The following SMARCB1 variants were observed in gnomAD, a reference collection of about 807,000 sequenced individuals.
The protein encoded by SMARCB1 is SWI/SNF-related matrix-associated actin-dependent regulator of chromatin subfamily B member 1.
A neutral mutation model predicts 49.0 loss-of-function variants in SMARCB1; 5 were observed. The ratio of observed to expected loss-of-function variants is 0.10; its 90% confidence interval spans 0.05 to 0.21. SMARCB1 has a LOEUF of 0.21. Ranked by LOEUF, SMARCB1 falls within the 10% of genes least tolerant of loss-of-function variation. The probability of loss-of-function intolerance (pLI) is 1.00; values close to 1 mark genes in which losing one functional copy is unlikely to be tolerated. For missense variants in SMARCB1, 226 were observed against 509.2 expected (o/e 0.44, Z 5.35); for synonymous variants, 201 against 200.1 (o/e 1.00, Z -0.04).
intron 6 of SMARCB1, 88 bp from the exon 7 acceptor site, chr22:23,825,133 CAGGG>C: frequency 9.7e-7 from 1 of 1,026,964 alleles, no homozygotes; most frequent in Non-Finnish European, 1.5e-6. Flanking sequence ...CCCTGGTGGG[CAGGG>C]CCCACCCCAG....
intron 1 of SMARCB1, among the ~76,000 whole-genome samples, chr22:23,787,714 G>T (rs1424659793): frequency 6.6e-6 from 1 of 152,168 alleles, no homozygotes; most frequent in Non-Finnish European, 1.5e-5. Flanking sequence ...CTTAGTGAGG[G>T]CTCATCCCCA....
chr22:23,799,367 C>T (rs1355499845), intron 3 of SMARCB1, among the ~76,000 whole-genome samples: 4 of 151,946 alleles, frequency 2.6e-5, no homozygotes, highest in African/African-American at 9.7e-5. Flanking sequence ...CAACCTCCGC[C>T]TCCTGGGTTC....
chr22:23,810,829 A>G (rs929739280), intron 5 of SMARCB1, among the ~76,000 whole-genome samples: 2 of 152,130 alleles, frequency 1.3e-5, no homozygotes, highest in Non-Finnish European at 2.9e-5. Flanking sequence ...CAGGAGTTCA[A>G]GACCAGCCTG....
In SMARCB1 at chr22:23,787,034, C is replaced by T. The variant is rs975147415; in HGVS notation, c.-136C>T. On this transcript the variant is annotated 5_prime_UTR_variant, in exon 1 of 9. Transcript: ENST00000644036. Reference sequence around the variant, plus strand: ...CGGCGGCGGCGGCTGAGGAGCCCGGCTGAGGCGCCAGTACCCGGCCCGGTC... The same window carrying T: ...CGGCGGCGGCGGCTGAGGAGCCCGGTTGAGGCGCCAGTACCCGGCCCGGTC... 14 of 572,246 alleles carry T rather than the reference C, an allele frequency of 2.4e-5. No homozygotes were observed. In the African/African-American group the frequency reaches 2.6e-4, roughly 10 times the overall value. 35.4% of individuals were successfully genotyped at this position (572,246 alleles called of 1,614,324 possible).
intron 1 of SMARCB1, among the ~76,000 whole-genome samples, chr22:23,789,022 A>G (rs1000356733): frequency 2.6e-5 from 4 of 151,854 alleles, no homozygotes; most frequent in African/African-American, 9.7e-5. Flanking sequence ...GCTAATTTTT[A>G]TATTTTTAGT....
In SMARCB1 at chr22:23,837,451, A is replaced by G. The variant is rs1428038906; in HGVS notation, c.*3271A>G. 14 of 655,488 alleles carry G rather than the reference A, an allele frequency of 2.1e-5. No homozygotes were observed. The East Asian group carries it at 3.0e-4, about 14-fold the overall frequency. 40.6% of individuals were successfully genotyped at this position (655,488 alleles called of 1,614,324 possible). On this transcript the variant is annotated 3_prime_UTR_variant, in exon 9 of 9. Transcript: ENST00000644036. The stretch of plus-strand genomic sequence containing the variant: ...CTCCCATCAGGACCGTGCAAGCATC[A>G]GTAGATCCGTCCTGACGATGCAAAT...
chr22:23,834,632 C>G lies in SMARCB1; in HGVS notation c.*452C>G. 1 of 823,090 alleles carries G rather than the reference C, an allele frequency of 1.2e-6. No individual in the cohort carries two copies. The highest frequency in any genetic ancestry group is 1.9e-6 in the Non-Finnish European group (1 of 516,438). 51.0% of individuals were successfully genotyped at this position (823,090 alleles called of 1,614,324 possible). On this transcript the variant is annotated 3_prime_UTR_variant, in exon 9 of 9. Transcript: ENST00000644036. Reference sequence around the variant, plus strand: ...GAACAAGGTTGGCACACAGGCCTCACCCTCCTCTGCCTCAGATTCCCAAGT... The same window carrying G: ...GAACAAGGTTGGCACACAGGCCTCAGCCTCCTCTGCCTCAGATTCCCAAGT...
In SMARCB1 at chr22:23,834,164, C is replaced by T. The variant is rs1387467529; in HGVS notation, c.1142C>T (p.Thr381Met). The T allele has an allele frequency of 8.2e-6, 13 of 1,593,400 alleles. No individual in the cohort carries two copies. Among genetic ancestry groups the T allele is most frequent in the Admixed American group, 1.7e-5 (1 of 58,042 alleles). Reference sequence around the variant, plus strand: ...AGGCGGATGAGGCGTCTTGCCAACACGGCCCCGGCCTGGTAACCAGCCCAT... The same window carrying T: ...AGGCGGATGAGGCGTCTTGCCAACATGGCCCCGGCCTGGTAACCAGCCCAT... ...NTRRMRRLAN[T>M]APAW Residue 381 changes from threonine (T) to methionine (M), a missense_variant, in exon 9 of 9, where the codon ACG becomes ATG. Transcript: ENST00000644036.
chr22:23,788,530 C>T (rs895937820), intron 1 of SMARCB1, among the ~76,000 whole-genome samples: 2 of 152,006 alleles, frequency 1.3e-5, no homozygotes, highest in African/African-American at 4.8e-5. Flanking sequence ...CTCAGCCTCC[C>T]AAGTACCTGG....
At chr22:23,818,368 G>T (rs1289259309) in intron 6 of SMARCB1, 4 of 145,404 alleles carry the variant, frequency 2.8e-5, no homozygotes, top group African/African-American at 1.0e-4. Context: ...CGTTAGCCAG[G>T]ATGGTCTCGA....
intron 5 of SMARCB1, among the ~76,000 whole-genome samples, chr22:23,808,848 G>A (rs1929683731): frequency 6.6e-6 from 1 of 151,820 alleles, no homozygotes; most frequent in Admixed American, 6.6e-5. Flanking sequence ...ACAGGCATGT[G>A]CCACCATACC....
At chr22:23,807,524 G>A (rs1385762548) in intron 5 of SMARCB1, among the ~76,000 whole-genome samples, 2 of 151,958 alleles carry the variant, frequency 1.3e-5, no homozygotes, top group South Asian at 4.2e-4. Flanking sequence ...TCAGTGAGCC[G>A]TGATTGAGCC....
chr22:23,794,056 T>C (rs756445463), intron 3 of SMARCB1, among the ~76,000 whole-genome samples: 1 of 152,230 alleles, frequency 6.6e-6, no homozygotes, highest in Non-Finnish European at 1.5e-5. Flanking sequence ...GTGATTCTCC[T>C]GCCTCAGCCT....
At position 23,836,253 on chromosome 22, in the gene SMARCB1, C is replaced by A. The variant is rs879218692; in HGVS notation, c.*2073C>A. 9.1e-6 allele frequency: 9 copies of A among 985,372 alleles called. No homozygotes were observed. The Admixed American group carries it at 5.5e-4, about 61-fold the overall frequency. 61.0% of individuals were successfully genotyped at this position (985,372 alleles called of 1,614,324 possible). On this transcript the variant is annotated 3_prime_UTR_variant, in exon 9 of 9. Coordinates refer to ENST00000644036, the MANE Select transcript of SMARCB1 (RefSeq NM_003073.5). ...TCCTGGCCCTCTTCTGCACCTGAAT[C>A]CATGGGGCTTTGGCATCACCAGATG...
At chr22:23,791,672 T>C (rs970463023) in intron 1 of SMARCB1, 84 bp from the exon 2 acceptor site, 18 of 1,379,066 alleles carry the variant, frequency 1.3e-5, no homozygotes, top group Non-Finnish European at 1.8e-5. Flanking sequence ...TGTTTGTCTG[T>C]TGCTTGATGC....
In SMARCB1 at chr22:23,834,802, C is replaced by T. The variant is rs757794192; in HGVS notation, c.*622C>T. 1.9e-6 allele frequency: 3 copies of T among 1,603,250 alleles called. No homozygotes were observed. The highest frequency in any genetic ancestry group is 1.1e-5 in the South Asian group (1 of 89,412). ...GGCTCTCTGCCTTTCAGGAACAGCC[C>T]TAACCCTGCTCCCCTTGCTTGGCCT... On this transcript the variant is annotated 3_prime_UTR_variant, in exon 9 of 9. Coordinates refer to ENST00000644036, the MANE Select transcript of SMARCB1 (RefSeq NM_003073.5).
At chr22:23,816,578 G>A (rs942712766) in intron 5 of SMARCB1, 192 bp from the exon 6 acceptor site, 3 of 668,140 alleles carry the variant, frequency 4.5e-6, no homozygotes, top group Admixed American at 4.2e-5. Flanking sequence ...TGTGCAGGAT[G>A]AGGGCTGGGG....
chr22:23,829,011 G>A (rs753184171), intron 7 of SMARCB1, among the ~76,000 whole-genome samples: 10 of 152,304 alleles, frequency 6.6e-5, no homozygotes, highest in Admixed American at 3.3e-4. Context: ...TGACACAGGC[G>A]TCCCAGAGCC....
rs62241578 is a variant in SMARCB1 at position 23,787,947 on chromosome 22, G to A, written c.93+685G>A. On this transcript the variant is annotated intron_variant, in intron 1 of 8. Coordinates refer to ENST00000644036, the MANE Select transcript of SMARCB1 (RefSeq NM_003073.5). Reference sequence around the variant, plus strand: ...TAAGGATGTTTAACCCTTAACTAGAGTGGCTGCATTTTGTTGCATCAACTG... The same window carrying A: ...TAAGGATGTTTAACCCTTAACTAGAATGGCTGCATTTTGTTGCATCAACTG... Among the ~76,000 whole-genome samples the A allele has an allele frequency of 0.089, 13,496 of 152,216 alleles. 763 individuals are homozygous for A. Among genetic ancestry groups the A allele is most frequent in the East Asian group, 0.17 (862 of 5,180 alleles).
Sources: gnomAD v4.1 joint callset for allele counts (sites outside exome capture counted in the v4.1 genomes callset) on GRCh38, gnomAD v4.1.1 for gene constraint, MANE v1.5 for transcripts, NCBI Gene and HGNC (gene_info 2026-07-23, HGNC 2026-07-21) for gene names.